Variants in TSC22D3 observed in about 807,000 individuals in gnomAD.
The protein encoded by TSC22D3 is TSC22 domain family member 3.
TSC22D3 carries 4 observed loss-of-function variants against 11.1 expected under a neutral mutation model. The observed-to-expected ratio is 0.36, with a 90% CI of 0.18 to 0.83. The LOEUF is 0.83. Among genes scored for constraint, TSC22D3 ranks in the 40% least tolerant of loss-of-function variants. TSC22D3 has a pLI of 0.48. For synonymous variants in TSC22D3, 77 were observed against 70.3 expected (o/e 1.10, Z -0.48); for missense variants, 118 against 159.4 (o/e 0.74, Z 1.40).
At chrX:107,766,332 G>A (rs1039827798) in intron 1 of TSC22D3, among the ~76,000 whole-genome samples, 1 of 111,450 alleles carries the variant, frequency 9.0e-6, no homozygotes, top group Non-Finnish European at 1.9e-5. Flanking sequence ...GGTCAACCTG[G>A]GGACTTTGAG....
intron 1 of TSC22D3, among the ~76,000 whole-genome samples, chrX:107,751,126 C>G (rs1928913357): frequency 8.9e-6 from 1 of 111,751 alleles, no homozygotes; most frequent in Non-Finnish European, 1.9e-5. Context: ...AATGGGTAAC[C>G]CAGAGCAGAG....
chrX:107,724,639 A>G (rs1267809095), intron 1 of TSC22D3, among the ~76,000 whole-genome samples: 2 of 112,525 alleles, frequency 1.8e-5, no homozygotes, highest in Non-Finnish European at 3.8e-5. Flanking sequence ...GTCAAAAGTC[A>G]TGGCCTCTGC....
intron 1 of TSC22D3, among the ~76,000 whole-genome samples, chrX:107,748,996 G>A (rs1928802766): frequency 9.0e-6 from 1 of 111,185 alleles, no homozygotes; most frequent in African/African-American, 3.3e-5. Context: ...TCCCCTACTG[G>A]ACCCCGTCTG....
At chrX:107,745,851 A>C (rs1204613189) in intron 1 of TSC22D3, among the ~76,000 whole-genome samples, 1 of 112,574 alleles carries the variant, frequency 8.9e-6, no homozygotes, top group Non-Finnish European at 1.9e-5. Context: ...CTTAGATTTC[A>C]CAAGTATGTG....
chrX:107,742,267 G>A (rs756868031), intron 1 of TSC22D3, among the ~76,000 whole-genome samples: 8 of 74,517 alleles, frequency 1.1e-4, no homozygotes, highest in South Asian at 7.3e-4. Flanking sequence ...ATTTGAGAGA[G>A]AGAGAGAGAG....
chrX:107,765,412 T>C (rs964659540), intron 1 of TSC22D3, among the ~76,000 whole-genome samples: 1 of 112,258 alleles, frequency 8.9e-6, no homozygotes, highest in Non-Finnish European at 1.9e-5. Flanking sequence ...CTTCCTGCTA[T>C]ACCCTCAGCT....
At chrX:107,759,405 G>A (rs1054610534) in intron 1 of TSC22D3, among the ~76,000 whole-genome samples, 3 of 111,928 alleles carry the variant, frequency 2.7e-5, no homozygotes, top group East Asian at 2.8e-4. Flanking sequence ...GAATATCTGC[G>A]TTGAAAGAGA....
intron 1 of TSC22D3, chrX:107,716,856 G>C: frequency 5.9e-6 from 7 of 1,195,641 alleles, no homozygotes; most frequent in Non-Finnish European, 7.9e-6. Flanking sequence ...GTGCGGGGCT[G>C]GGCGGCTGGG....
chrX:107,724,693 C>T (rs752829483), intron 1 of TSC22D3, among the ~76,000 whole-genome samples: 2 of 112,553 alleles, frequency 1.8e-5, no homozygotes, highest in African/African-American at 3.2e-5. Flanking sequence ...GCAAGGGTGA[C>T]AGGTGACAGG....
chrX:107,714,532 C>T lies in TSC22D3; in HGVS notation c.590G>A (p.Gly197Asp). 1 of 1,210,979 alleles carries T rather than the reference C, an allele frequency of 8.3e-7. No individual in the cohort carries two copies. The highest frequency in any genetic ancestry group is 1.1e-6 in the Non-Finnish European group (1 of 894,912). Residue 197 changes from glycine (G) to aspartate (D), a missense_variant, in exon 3 of 3, where the codon GGT (glycine) becomes GAT (aspartate). Coordinates refer to ENST00000372383, the MANE Select transcript of TSC22D3 (RefSeq NM_198057.3). ...ESPQVPEAPG[G>D]SAV ...GGACAGAGCCACTTACACCGCAGAA[C>T]CACCAGGGGCCTCGGGCACTTGTGG... is the stretch of plus-strand genomic sequence containing the variant.
intron 1 of TSC22D3, among the ~76,000 whole-genome samples, chrX:107,755,493 C>T (rs1435212868): frequency 8.9e-6 from 1 of 112,571 alleles, no homozygotes; most frequent in Non-Finnish European, 1.9e-5. Context: ...GGCTTGCCTT[C>T]GTGAAATCCA....
rs921699603 is a variant in TSC22D3, at chrX:107,734,410, C to A, written c.321-18460G>T. Among the ~76,000 whole-genome samples the A allele has an allele frequency of 6.7e-4, 76 of 112,745 alleles. 3 individuals carry two copies. Among genetic ancestry groups the A allele is most frequent in the Non-Finnish European group, 1.9e-4 (10 of 53,329 alleles). ...TATTCCCTCCAGGCTGCATTTCAAC[C>A]CTCCTCTTCACAAAGAAGGAAATCA... On this transcript the variant is annotated intron_variant, in intron 1 of 2. Coordinates refer to ENST00000372383, the MANE Select transcript of TSC22D3 (RefSeq NM_198057.3).
intron 1 of TSC22D3, among the ~76,000 whole-genome samples, chrX:107,763,134 C>T (rs1443529882): frequency 2.7e-5 from 3 of 111,379 alleles, no homozygotes; most frequent in African/African-American, 9.8e-5. Flanking sequence ...GGATTACAGG[C>T]GTGAGCCACT....
At position 107,714,525 on chromosome X, in the gene TSC22D3, C is replaced by T. The variant is rs149191586; in HGVS notation, c.597G>A (p.Ala199=). 1.8e-4 allele frequency: 219 copies of T among 1,208,851 alleles called. 3 individuals carry two copies. In the Admixed American group the frequency reaches 4.5e-3, roughly 25 times the overall value. Residue 199 remains alanine (A), a synonymous_variant, in exon 3 of 3, where the codon GCG becomes GCA. Coordinates refer to ENST00000372383, the MANE Select transcript of TSC22D3 (RefSeq NM_198057.3). The part of the protein sequence containing the change: ...PQVPEAPGGS[A]V ...ACCCTGAGGACAGAGCCACTTACAC[C>T]GCAGAACCACCAGGGGCCTCGGGCA...
At chrX:107,716,123 A>C (rs1927008421) in intron 1 of TSC22D3, 173 bp from the exon 2 acceptor site, 2 of 626,289 alleles carry the variant, frequency 3.2e-6, no homozygotes, top group Non-Finnish European at 4.7e-6. Flanking sequence ...TGGCCCCTGC[A>C]GGAAGCTGCA....
chrX:107,747,448 C>T (rs1426233525), intron 1 of TSC22D3, among the ~76,000 whole-genome samples: 3 of 112,637 alleles, frequency 2.7e-5, no homozygotes, highest in Non-Finnish European at 5.6e-5. Flanking sequence ...CTGTGATCTA[C>T]GCAGTGCAGT....
At chrX:107,737,381 G>T (rs1928191236) in intron 1 of TSC22D3, among the ~76,000 whole-genome samples, 1 of 111,809 alleles carries the variant, frequency 8.9e-6, no homozygotes, top group South Asian at 3.8e-4. Context: ...TTGTCACACA[G>T]GGGTTTCGCT....
chrX:107,767,871 T>C lies in TSC22D3; in HGVS notation c.320+7229A>G, dbSNP rs1012100009. ...CACAGTATGTTCTGGGCCATTATTG[T>C]TCTCTTTATTTAAAAGGAAATTTCA... is the stretch of plus-strand genomic sequence containing the variant. On this transcript the variant is annotated intron_variant, in intron 1 of 2. Coordinates refer to ENST00000372383, the MANE Select transcript of TSC22D3 (RefSeq NM_198057.3). Among the ~76,000 whole-genome samples the C allele has an allele frequency of 4.5e-5, 5 of 112,086 alleles. No homozygotes were observed. The East Asian group carries it at 8.4e-4, about 19-fold the overall frequency.
At chrX:107,733,678 G>A (rs981846692) in intron 1 of TSC22D3, among the ~76,000 whole-genome samples, 4 of 111,507 alleles carry the variant, frequency 3.6e-5, no homozygotes, top group Non-Finnish European at 7.5e-5. Context: ...CCCTGACCTC[G>A]GGCCCTCTCC....
Sources: allele counts gnomAD v4.1 joint callset (sites outside exome capture counted in the v4.1 genomes callset), GRCh38; gene constraint gnomAD v4.1.1; transcripts MANE v1.5; gene names NCBI Gene and HGNC (gene_info 2026-07-23, HGNC 2026-07-21).